ZNF214: variants seen among roughly 807,000 people sequenced by gnomAD.
ZNF214 encodes zinc finger protein 214.
In ZNF214, 43 loss-of-function variants were observed where a neutral mutation model predicts 53.9. The ratio of observed to expected loss-of-function variants is 0.80; its 90% CI spans 0.63 to 1.03. The LOEUF (loss-of-function observed/expected upper bound fraction) is 1.03, where lower values mean the gene tolerates loss of function less well. ZNF214 is among the 50% of genes least tolerant of loss of function. ZNF214 has a pLI of 0.00. For synonymous variants in ZNF214, 217 were observed against 229.5 expected, an observed-to-expected ratio of 0.95 and a Z score of 0.49; for missense variants, 724 against 719.1, an observed-to-expected ratio of 1.01 and a Z score of -0.08.
intron 1 of ZNF214, among the ~76,000 whole-genome samples, chr11:7,010,630 C>A (rs1327451140): frequency 2.1e-5 from 2 of 94,418 alleles, no homozygotes; most frequent in Non-Finnish European, 2.3e-5. Flanking sequence ...GAGAAACCAT[C>A]CCCCATTAAA....
rs911259478 is a variant in ZNF214, at chr11:6,997,795, A to C, written c.*2067T>G. ...CCCATGCAATATTTGGGACACCCTT[A>C]TACTAAAACAATTATTCTTTGCTTA... On this transcript the variant is annotated 3_prime_UTR_variant, in exon 3 of 3. Transcript: ENST00000278314. 6.6e-6 allele frequency among the ~76,000 whole-genome samples: 1 copy of C among 151,880 alleles called. No individual in the cohort carries two copies. The highest frequency in any genetic ancestry group is 1.5e-5 in the Non-Finnish European group (1 of 67,876).
Position 6,999,795 on chromosome 11 carries a change from A to G in ZNF214, c.*67T>C. 6.9e-7 allele frequency: 1 copy of G among 1,459,638 alleles called. No individual in the cohort carries two copies. The highest frequency in any genetic ancestry group is 1.5e-5 in the South Asian group (1 of 68,504). 90.4% of individuals were successfully genotyped at this position (1,459,638 alleles called of 1,614,324 possible). A position where few individuals can be genotyped will look rare whatever the true frequency, so the allele number is the denominator to read the frequency against. ...GTGTTATTTATAAGATTTCCTTAAC[A>G]GCAGGATTTATAGGGTTTAAAGGTT... On this transcript the variant is annotated 3_prime_UTR_variant, in exon 3 of 3. Transcript: ENST00000278314.
chr11:7,017,733 C>T (rs1210406471), intron 1 of ZNF214, among the ~76,000 whole-genome samples: 3 of 114,042 alleles, frequency 2.6e-5, no homozygotes. Context: ...AGCGAGACTC[C>T]GTCTCAAAAA....
chr11:7,010,066 G>C (rs1048479324), intron 1 of ZNF214, among the ~76,000 whole-genome samples: 5 of 152,124 alleles, frequency 3.3e-5, no homozygotes, highest in Admixed American at 6.5e-5. Context: ...CCCATTACTG[G>C]GTATATGCCC....
chr11:7,007,770 AT>A (rs1851506734), intron 1 of ZNF214, among the ~76,000 whole-genome samples: 1 of 152,042 alleles, frequency 6.6e-6, no homozygotes, highest in South Asian at 2.1e-4. Context: ...AGCTTCAGTT[AT>A]TTTATCTGTG....
In ZNF214 at chr11:7,001,168, G is replaced by A; in HGVS notation, c.515C>T (p.Ser172Phe). 1.2e-6 allele frequency: 2 copies of A among 1,613,222 alleles called. No individual in the cohort carries two copies. Among genetic ancestry groups the A allele is most frequent in the Non-Finnish European group, 1.7e-6 (2 of 1,179,516 alleles). Residue 172 changes from serine (S) to phenylalanine (F), a missense_variant, in exon 3 of 3, where the codon TCC becomes TTC. Transcript: ENST00000278314. ...TTTTTCCATGGAGAGGTTTTTCCTGGATATGCCAAGACGGTATCTGCCCCC... is the reference window on the plus strand; with the variant it reads ...TTTTTCCATGGAGAGGTTTTTCCTGAATATGCCAAGACGGTATCTGCCCCC... ...FQGGRYRLGI[S>F]RKNLSMEKEQ...
chr11:7,012,813 T>G (rs191316355), intron 1 of ZNF214, among the ~76,000 whole-genome samples: 1 of 152,314 alleles, frequency 6.6e-6, no homozygotes, highest in East Asian at 1.9e-4. Context: ...GCACTTGAAT[T>G]CATAATCTAC....
chr11:7,019,236 C>T (rs1851852785), intron 1 of ZNF214, among the ~76,000 whole-genome samples: 1 of 152,108 alleles, frequency 6.6e-6, no homozygotes, highest in South Asian at 2.1e-4. Flanking sequence ...CTGGGTATGA[C>T]GCACACATCT....
At position 6,998,444 on chromosome 11, in the gene ZNF214, T is replaced by C. The variant is rs970749643; in HGVS notation, c.*1418A>G. On this transcript the variant is annotated 3_prime_UTR_variant, in exon 3 of 3. Transcript: ENST00000278314. Reference sequence around the variant, plus strand: ...CACACTGGACCTCCATCCTCTGATATTCATATCTGTTCTTTCTTAGTTTCC... The same window carrying C: ...CACACTGGACCTCCATCCTCTGATACTCATATCTGTTCTTTCTTAGTTTCC... Among the ~76,000 whole-genome samples the C allele has an allele frequency of 6.6e-6, 1 of 152,018 alleles. No homozygotes were observed. The highest frequency in any genetic ancestry group is 2.1e-4 in the South Asian group (1 of 4,832).
rs1393954393 is a variant in ZNF214, at chr11:6,998,029, CTCTT to C, written c.*1829_*1832del. On this transcript the variant is annotated 3_prime_UTR_variant, in exon 3 of 3. Transcript: ENST00000278314. ...ACCATGATTTCCACATTCACAAACT[CTCTT>C]TAAGGCACATATACGCTACACTGTT... 1.3e-5 allele frequency among the ~76,000 whole-genome samples: 2 copies of C among 151,918 alleles called. No individual in the cohort carries two copies. The highest frequency in any genetic ancestry group is 4.8e-5 in the African/African-American group (2 of 41,422).
At chr11:7,013,378 G>C (rs184304792) in intron 1 of ZNF214, among the ~76,000 whole-genome samples, 5 of 152,300 alleles carry the variant, frequency 3.3e-5, no homozygotes, top group African/African-American at 1.2e-4. Flanking sequence ...ACTGAGGCAG[G>C]GTTTGCATAA....
chr11:7,014,906 G>C (rs2119463974), intron 1 of ZNF214, among the ~76,000 whole-genome samples: 1 of 151,564 alleles, frequency 6.6e-6, no homozygotes, highest in Admixed American at 6.6e-5. Context: ...AAAGCAGTCT[G>C]TCTTAAAAAG....
At chr11:7,007,599 G>C (rs1201197074) in intron 1 of ZNF214, among the ~76,000 whole-genome samples, 1 of 151,710 alleles carries the variant, frequency 6.6e-6, no homozygotes, top group East Asian at 1.9e-4. Flanking sequence ...TGAATCCACA[G>C]ATAAAATTTC....
Position 7,002,847 on chromosome 11 carries a change from TC to T in ZNF214, c.-13del, listed in dbSNP as rs1851386635. 6.3e-7 allele frequency: 1 copy of T among 1,583,020 alleles called. No homozygotes were observed. The highest frequency in any genetic ancestry group is 1.2e-5 in the South Asian group (1 of 85,468). ...AATGTTACTGCCATCTGGTCAAAGA[TC>T]AGGCTTTCTAGGAAAAAGAAATCTA... On this transcript the variant is annotated 5_prime_UTR_variant, in exon 2 of 3. Coordinates refer to ENST00000278314, the MANE Select transcript of ZNF214 (RefSeq NM_013249.4).
Position 7,001,412 on chromosome 11 carries a change from C to A in ZNF214, c.271G>T (p.Asp91Tyr), listed in dbSNP as rs545520635. 1 of 1,613,280 alleles carries A rather than the reference C, an allele frequency of 6.2e-7. No homozygotes were observed. Among genetic ancestry groups the A allele is most frequent in the African/African-American group, 1.3e-5 (1 of 74,968 alleles). The change falls in exon 3 of 3, where the codon GAT (aspartate) becomes TAT (tyrosine). Residue 91 changes from aspartate (D) to tyrosine (Y), a missense_variant. Asp to Tyr is a radical substitution (Grantham distance 160). Coordinates refer to ENST00000278314, the MANE Select transcript of ZNF214 (RefSeq NM_013249.4). ...QNYGETVQGT[D>Y]SKDLTQQDRS... Reference sequence around the variant, plus strand: ...TCTTGCTGTGTGAGGTCTTTGGAATCTGTCCCTTGAACAGTTTCCCCATAG... The same window carrying A: ...TCTTGCTGTGTGAGGTCTTTGGAATATGTCCCTTGAACAGTTTCCCCATAG...
chr11:7,000,996 A>T lies in ZNF214; in HGVS notation c.687T>A (p.Tyr229Ter). 6.2e-7 allele frequency: 1 copy of T among 1,613,112 alleles called. No individual in the cohort carries two copies. Among genetic ancestry groups the T allele is most frequent in the Non-Finnish European group, 8.5e-7 (1 of 1,179,566 alleles). Residue 229 changes from tyrosine to a stop codon, truncating the protein, a stop_gained, in exon 3 of 3, where the codon TAT (tyrosine) becomes TAA (stop). Transcript: ENST00000278314. LOFTEE classifies it high-confidence loss of function. ...CGCNKCKGIY[Y>*]WNSRCVFHKR... ...TGTGGAAAACACACCGTGAGTTCCA[A>T]TAATAAATTCCTTTACATTTATTAC...
intron 1 of ZNF214, among the ~76,000 whole-genome samples, chr11:7,018,923 T>G (rs1851844436): frequency 6.6e-6 from 1 of 152,060 alleles, no homozygotes; most frequent in Non-Finnish European, 1.5e-5. Flanking sequence ...TGGGGCAGGG[T>G]CAAGTCTGCA....
chr11:7,003,305 A>G (rs557511059), intron 1 of ZNF214, among the ~76,000 whole-genome samples: 32 of 152,014 alleles, frequency 2.1e-4, no homozygotes, highest in Non-Finnish European at 3.8e-4. Context: ...CTCAATTCTA[A>G]ATTTCAATTT....
At chr11:7,007,427 A>C (rs1725675671) in intron 1 of ZNF214, among the ~76,000 whole-genome samples, 1 of 151,482 alleles carries the variant, frequency 6.6e-6, no homozygotes, top group African/African-American at 2.4e-5. Flanking sequence ...AAAAAGAAAA[A>C]TATTTAAAAA....
Sources: gnomAD v4.1 joint callset for allele counts (sites outside exome capture counted in the v4.1 genomes callset) on GRCh38, gnomAD v4.1.1 for gene constraint, MANE v1.5 for transcripts, NCBI Gene and HGNC (gene_info 2026-07-23, HGNC 2026-07-21) for gene names.